NYAP2: variants seen among roughly 807,000 people sequenced by gnomAD.
The protein encoded by NYAP2 is neuronal tyrosine-phosphorylated phosphoinositide-3-kinase adaptor 2.
A neutral mutation model predicts 50.4 loss-of-function variants in NYAP2; 23 were observed. That is an observed-to-expected ratio of 0.46 (90% confidence interval 0.33 to 0.65). NYAP2 has a LOEUF of 0.65. NYAP2 is among the 30% of genes least tolerant of loss of function. NYAP2 has a pLI of 0.02. For missense variants in NYAP2, 885 were observed against 861.0 expected, an observed-to-expected ratio of 1.03 and a Z score of -0.35; for synonymous variants, 394 against 365.2, an observed-to-expected ratio of 1.08 and a Z score of -0.90.
At chr2:225,554,646 A>AAACAGTGGTTACCAGAGTTGGG (rs1691744617) in intron 4 of NYAP2, among the ~76,000 whole-genome samples, 1 of 152,056 alleles carries the variant, frequency 6.6e-6, no homozygotes, top group South Asian at 2.1e-4. Context: ...ATAGAGAATA[A>AAACAGTGGTTACCAGAGTTGGG]AACAGTGGTT....
At chr2:225,411,977 TACAAATA>T (rs1462548237) in intron 3 of NYAP2, among the ~76,000 whole-genome samples, 2 of 149,306 alleles carry the variant, frequency 1.3e-5, no homozygotes, top group African/African-American at 4.9e-5. Context: ...ATAAATAATT[TACAAATA>T]ATATTATATT....
chr2:225,440,340 G>C (rs931252794), intron 3 of NYAP2, among the ~76,000 whole-genome samples: 1 of 152,140 alleles, frequency 6.6e-6, no homozygotes, highest in Admixed American at 6.5e-5. Flanking sequence ...GAAAATATTA[G>C]CTGATAACTT....
intron 3 of NYAP2, among the ~76,000 whole-genome samples, chr2:225,469,953 A>G (rs897250987): frequency 6.6e-6 from 1 of 152,184 alleles, no homozygotes; most frequent in African/African-American, 2.4e-5. Flanking sequence ...TACCTGTGTA[A>G]CAAAACTGCA....
intron 3 of NYAP2, among the ~76,000 whole-genome samples, chr2:225,457,498 C>G (rs1194696421): frequency 6.6e-6 from 1 of 152,128 alleles, no homozygotes; most frequent in Non-Finnish European, 1.5e-5. Flanking sequence ...CACTAGACAG[C>G]AGACACTGCT....
chr2:225,696,777 T>C, the NYAP2 span, among the ~76,000 whole-genome samples: 286 of 152,040 alleles, frequency 1.9e-3, no homozygotes, highest in African/African-American at 6.6e-3. Flanking sequence ...GGGCATAAAC[T>C]CTTGGGTTCA....
intron 5 of NYAP2, among the ~76,000 whole-genome samples, chr2:225,587,644 A>G (rs1373784164): frequency 1.3e-5 from 2 of 152,162 alleles, no homozygotes; most frequent in East Asian, 3.9e-4. Context: ...AGAATTCCAC[A>G]GTGCAAGAGC....
At chr2:225,435,507 A>G (rs943158903) in intron 3 of NYAP2, among the ~76,000 whole-genome samples, 1 of 152,206 alleles carries the variant, frequency 6.6e-6, no homozygotes, top group Non-Finnish European at 1.5e-5. Context: ...TGACTGGTCC[A>G]ATACTCAATA....
intron 5 of NYAP2, among the ~76,000 whole-genome samples, chr2:225,597,512 A>AATATATATAT: frequency 0.01 from 475 of 46,174 alleles, 118 homozygotes; most frequent in Admixed American, 0.028. Flanking sequence ...TCCAAGGAGA[A>AATATATATAT]ATATATATAT....
Position 225,582,947 on chromosome 2 carries a change from G to A in NYAP2, c.1530G>A (p.Pro510=), listed in dbSNP as rs558213296. The change falls in exon 5 of 7, where the codon CCG becomes CCA. Residue 510 remains proline (P), a synonymous_variant. Transcript: ENST00000636099. This position sits in a 1 kb window ranked among gnomAD's most constrained non-coding sequence, Gnocchi z 7.0. Reference sequence around the variant, plus strand: ...CCCGGTCCCGGACACCCACGAGCCCGCTGGAGGAGCTGACCAGCCTCTTCT... The same window carrying A: ...CCCGGTCCCGGACACCCACGAGCCCACTGGAGGAGCTGACCAGCCTCTTCT... The A allele has an allele frequency of 1.9e-6, 3 of 1,612,420 alleles. No homozygotes were observed. The highest frequency in any genetic ancestry group is 1.3e-5 in the African/African-American group (1 of 75,044).
intron 3 of NYAP2, among the ~76,000 whole-genome samples, chr2:225,452,665 G>C (rs1049469264): frequency 1.3e-5 from 2 of 152,168 alleles, no homozygotes; most frequent in African/African-American, 4.8e-5. Flanking sequence ...CAACCCAAGA[G>C]TGCCTAGAGT....
chr2:225,440,867 A>G (rs1347513000), intron 3 of NYAP2, among the ~76,000 whole-genome samples: 4 of 152,166 alleles, frequency 2.6e-5, no homozygotes, highest in East Asian at 1.9e-4. Context: ...TTGCCCTGAT[A>G]ATAGATGGGA....
intron 4 of NYAP2, among the ~76,000 whole-genome samples, chr2:225,549,182 G>T (rs990728768): frequency 3.9e-5 from 6 of 152,164 alleles, no homozygotes; most frequent in African/African-American, 9.7e-5. Flanking sequence ...TGCCCAGCCA[G>T]AATGCAGCTA....
intron 3 of NYAP2, among the ~76,000 whole-genome samples, chr2:225,445,292 T>C (rs529964032): frequency 1.3e-5 from 2 of 152,306 alleles, no homozygotes; most frequent in South Asian, 4.1e-4. Flanking sequence ...ATTATGTACT[T>C]TATGTACTTT....
chr2:225,591,916 C>A (rs1314748916), intron 5 of NYAP2, among the ~76,000 whole-genome samples: 1 of 151,998 alleles, frequency 6.6e-6, no homozygotes, highest in African/African-American at 2.4e-5. Context: ...GGTGGGAAAT[C>A]TTTTGGGCAC....
chr2:225,533,473 G>A (rs2106198671), intron 4 of NYAP2, among the ~76,000 whole-genome samples: 1 of 152,290 alleles, frequency 6.6e-6, no homozygotes, highest in South Asian at 2.1e-4. Flanking sequence ...GAGTGCTTGA[G>A]CTCGGGAGTT....
intron 3 of NYAP2, among the ~76,000 whole-genome samples, chr2:225,429,193 G>T (rs1453772635): frequency 6.6e-6 from 1 of 151,988 alleles, no homozygotes; most frequent in Non-Finnish European, 1.5e-5. Flanking sequence ...GTCGAGGGGG[G>T]ATTTAGGGAC....
intron 3 of NYAP2, among the ~76,000 whole-genome samples, chr2:225,466,967 G>T (rs1441422658): frequency 6.6e-6 from 1 of 152,138 alleles, no homozygotes; most frequent in African/African-American, 2.4e-5. Flanking sequence ...AGTACACTTG[G>T]GAGAGGGCCA....
At chr2:225,685,273 T>C in the NYAP2 span, among the ~76,000 whole-genome samples, 1 of 152,208 alleles carries the variant, frequency 6.6e-6, no homozygotes, top group Non-Finnish European at 1.5e-5. Context: ...GTCAAGCCCA[T>C]ATATACTATT....
rs1299084402 is a variant in NYAP2 at position 225,409,109 on chromosome 2, T to C, written c.221+8T>C. ...AGAAGAAGCAATAAAGCGGTAAATA[T>C]AAATAAAATTATTTTGAGTTTTGTG... On this transcript the variant is annotated splice_region_variant and intron_variant, in intron 3 of 6. Transcript: ENST00000636099. 14 of 1,542,682 alleles carry C rather than the reference T, an allele frequency of 9.1e-6. No individual in the cohort carries two copies. Among genetic ancestry groups the C allele is most frequent in the African/African-American group, 1.4e-5 (1 of 72,410 alleles).
Sources: allele counts gnomAD v4.1 joint callset (sites outside exome capture counted in the v4.1 genomes callset), GRCh38; gene constraint gnomAD v4.1.1; non-coding constraint Gnocchi (gnomAD v3.1); transcripts MANE v1.5; gene names NCBI Gene and HGNC (gene_info 2026-07-23, HGNC 2026-07-21).